Variants in MATN2 observed in about 807,000 individuals in gnomAD.
MATN2 encodes the protein matrilin-2.
A neutral mutation model predicts 103.2 loss-of-function variants in MATN2; 69 were observed. The ratio of observed to expected loss-of-function variants is 0.67; its 90% CI spans 0.55 to 0.82. The LOEUF is 0.82. Among genes scored for constraint, MATN2 ranks in the 40% least tolerant of loss-of-function variants. The pLI is 0.00. For synonymous variants in MATN2, 429 were observed against 450.2 expected (o/e 0.95, Z 0.60); for missense variants, 1,023 against 1,211.5 (o/e 0.84, Z 2.31).
chr8:98,006,253 A>T (rs1812964655), intron 8 of MATN2, among the ~76,000 whole-genome samples: 1 of 152,268 alleles, frequency 6.6e-6, no homozygotes, highest in East Asian at 1.9e-4. Flanking sequence ...TAAAAAAAAT[A>T]GAAATTGATT....
At chr8:97,919,252 T>A (rs1432949586) in intron 2 of MATN2, among the ~76,000 whole-genome samples, 2 of 152,208 alleles carry the variant, frequency 1.3e-5, no homozygotes, top group African/African-American at 4.8e-5. Flanking sequence ...ATCCCAGAGA[T>A]TCTGATTCCC....
At chr8:97,878,151 G>A (rs139065113) in intron 1 of MATN2, among the ~76,000 whole-genome samples, 1,934 of 152,248 alleles carry the variant, frequency 0.013, 22 homozygotes, top group Non-Finnish European at 0.019. Flanking sequence ...AACTTAAAAT[G>A]TTTTAAATAT....
chr8:98,024,623 C>T (rs943377382), intron 13 of MATN2, among the ~76,000 whole-genome samples: 1 of 152,208 alleles, frequency 6.6e-6, no homozygotes, highest in Non-Finnish European at 1.5e-5. Flanking sequence ...TCAGGAGAGG[C>T]ATTGAGGCCC....
chr8:98,021,610 GC>G (rs755174851), intron 13 of MATN2, among the ~76,000 whole-genome samples: 3 of 151,914 alleles, frequency 2.0e-5, no homozygotes, highest in African/African-American at 4.8e-5. Context: ...TCTGCTCTGT[GC>G]TGGAGAATTA....
At chr8:97,881,523 CTG>C (rs2129953850) in intron 1 of MATN2, among the ~76,000 whole-genome samples, 1 of 152,320 alleles carries the variant, frequency 6.6e-6, no homozygotes, top group African/African-American at 2.4e-5. Context: ...AAGAGAAAAA[CTG>C]TTAAAACAAA....
chr8:97,961,662 G>C (rs1811322053), intron 5 of MATN2, 132 bp downstream of exon 5: 2 of 1,077,126 alleles, frequency 1.9e-6, no homozygotes, highest in Non-Finnish European at 2.5e-6. Flanking sequence ...TCAGTTGTTT[G>C]GTGTAGTTGT....
At chr8:97,941,069 G>A (rs1810538043) in intron 3 of MATN2, among the ~76,000 whole-genome samples, 1 of 150,540 alleles carries the variant, frequency 6.6e-6, no homozygotes. Context: ...AGCTGAGGTG[G>A]GAGGATGGCT....
At chr8:97,945,148 C>T (rs1171328837) in intron 4 of MATN2, among the ~76,000 whole-genome samples, 1 of 152,054 alleles carries the variant, frequency 6.6e-6, no homozygotes, top group African/African-American at 2.4e-5. Context: ...TAATTGCAAC[C>T]AAAAGTGACT....
At position 98,007,643 on chromosome 8, in the gene MATN2, G is replaced by A. The variant is rs1317291063; in HGVS notation, c.1573+42G>A. The A allele has an allele frequency of 1.8e-5, 28 of 1,580,806 alleles. No individual in the cohort carries two copies. Among genetic ancestry groups the A allele is most frequent in the Non-Finnish European group, 2.2e-5 (26 of 1,156,130 alleles). On this transcript the variant is annotated intron_variant, in intron 10 of 18. Coordinates refer to ENST00000254898, the MANE Select transcript of MATN2 (RefSeq NM_002380.5). The surrounding 1 kb of genome is among the most constrained non-coding windows in gnomAD (Gnocchi z 4.2). ...CAAGCAGGACCTGCACAGGTGTTCC[G>A]TGGGTGCCGGTGTGGGTGCGCTGCC...
intron 12 of MATN2, among the ~76,000 whole-genome samples, chr8:98,019,413 TCA>T (rs957275987): frequency 3.9e-5 from 6 of 152,308 alleles, no homozygotes; most frequent in African/African-American, 1.2e-4. Context: ...TCTGAGGACC[TCA>T]GTCTTTTTCT....
At chr8:97,993,131 T>TGTCC (rs1271027185) in intron 6 of MATN2, among the ~76,000 whole-genome samples, 3 of 152,196 alleles carry the variant, frequency 2.0e-5, no homozygotes, top group African/African-American at 7.2e-5. Context: ...CATTATTGTA[T>TGTCC]ATTTTGCTTA....
intron 2 of MATN2, among the ~76,000 whole-genome samples, chr8:97,911,167 A>G (rs57318067): frequency 0.035 from 5,101 of 146,836 alleles, 271 homozygotes; most frequent in African/African-American, 0.12. Context: ...TTTTTTTTGT[A>G]TTTTCGGTAG....
chr8:97,925,123 A>G (rs983812082), intron 2 of MATN2, among the ~76,000 whole-genome samples: 1 of 152,200 alleles, frequency 6.6e-6, no homozygotes, highest in African/African-American at 2.4e-5. Flanking sequence ...AGACAAAAAA[A>G]GGGAAATGAT....
intron 2 of MATN2, among the ~76,000 whole-genome samples, chr8:97,909,955 T>C (rs1819312151): frequency 6.6e-6 from 1 of 151,766 alleles, no homozygotes; most frequent in South Asian, 2.1e-4. Context: ...GGCTAATTTT[T>C]TGTATTTTTA....
At position 98,005,032 on chromosome 8, in the gene MATN2, G is replaced by A. The variant is rs1812922522; in HGVS notation, c.1327+1249G>A. Reference sequence around the variant, plus strand: ...TTTCCACTCAGCAAGCCCCACATCTGCTCCCTTTGGAGAAAGAGATAGATT... The same window carrying A: ...TTTCCACTCAGCAAGCCCCACATCTACTCCCTTTGGAGAAAGAGATAGATT... On this transcript the variant is annotated intron_variant, in intron 8 of 18. Transcript: ENST00000254898. This position sits in a 1 kb window ranked among gnomAD's most constrained non-coding sequence, Gnocchi z 4.6. Among the ~76,000 whole-genome samples, 1 of 152,242 alleles carries A rather than the reference G, an allele frequency of 6.6e-6. No individual in the cohort carries two copies. The highest frequency in any genetic ancestry group is 2.1e-4 in the South Asian group (1 of 4,838).
At chr8:97,910,765 A>C (rs947599722) in intron 2 of MATN2, among the ~76,000 whole-genome samples, 1 of 152,180 alleles carries the variant, frequency 6.6e-6, no homozygotes. Flanking sequence ...TAACTGTGTG[A>C]CCTTGGGCAA....
At chr8:97,987,083 C>T (rs945591723) in intron 6 of MATN2, among the ~76,000 whole-genome samples, 3 of 152,000 alleles carry the variant, frequency 2.0e-5, no homozygotes, top group Admixed American at 1.3e-4. Context: ...ACTTGTGATC[C>T]GCCTGCCTTG....
At chr8:97,904,848 G>A (rs1819109167) in intron 2 of MATN2, among the ~76,000 whole-genome samples, 1 of 152,054 alleles carries the variant, frequency 6.6e-6, no homozygotes, top group Non-Finnish European at 1.5e-5. Context: ...AGTGCTCTTG[G>A]GTAGACTTCA....
At chr8:97,975,750 A>G (rs144566180) in intron 5 of MATN2, among the ~76,000 whole-genome samples, 1 of 152,272 alleles carries the variant, frequency 6.6e-6, no homozygotes, top group African/African-American at 2.4e-5. Context: ...GAGGAAGTTG[A>G]AGCTGGGGAT....
Sources: allele counts gnomAD v4.1 joint callset (sites outside exome capture counted in the v4.1 genomes callset), GRCh38; gene constraint gnomAD v4.1.1; non-coding constraint Gnocchi (gnomAD v3.1); transcripts MANE v1.5; gene names NCBI Gene and HGNC (gene_info 2026-07-23, HGNC 2026-07-21).